The following PHC3 variants were observed in gnomAD, a reference collection of about 807,000 sequenced individuals.
The protein encoded by PHC3 is polyhomeotic-like protein 3.
In PHC3, 13 loss-of-function variants were observed where a neutral mutation model predicts 107.4. The observed-to-expected ratio is 0.12, with a 90% CI of 0.08 to 0.19. The LOEUF is 0.19. Among genes scored for constraint, PHC3 ranks in the 10% least tolerant of loss-of-function variants. The pLI is 1.00. For synonymous variants in PHC3, 456 were observed against 427.4 expected (o/e 1.07, Z -0.83); for missense variants, 992 against 1,210.9 (o/e 0.82, Z 2.68).
chr3:170,150,768 T>C, intron 4 of PHC3: 1 of 391,600 alleles, frequency 2.6e-6, no homozygotes, highest in South Asian at 1.8e-5. Context: ...TGTTAACCTC[T>C]AGAAGGATGC....
Position 170,172,722 on chromosome 3 carries a change from G to A in PHC3, c.181-10C>T. On this transcript the variant is annotated splice_polypyrimidine_tract_variant and intron_variant, in intron 2 of 14. Transcript: ENST00000495893. ...ATGCCTGTTGAATTACCTGTGATAA[G>A]TCAATTGAACCAATGTCAAACCATA... The A allele has an allele frequency of 6.3e-7, 1 of 1,586,570 alleles. No individual in the cohort carries two copies.
In PHC3 at chr3:170,089,498, A is replaced by G. The variant is rs1713850457; in HGVS notation, c.*7732T>C. The G allele has an allele frequency of 6.6e-6, 1 of 152,244 alleles. No homozygotes were observed. The highest frequency in any genetic ancestry group is 2.1e-4 in the South Asian group (1 of 4,834). The allele number at this position is 152,244 out of a possible 1,614,324, so 9.4% of individuals were successfully genotyped here. A position where few individuals can be genotyped will look rare whatever the true frequency, so the allele number is the denominator to read the frequency against. On this transcript the variant is annotated 3_prime_UTR_variant, in exon 15 of 15. Coordinates refer to ENST00000495893, the MANE Select transcript of PHC3 (RefSeq NM_024947.4). Reference sequence around the variant, plus strand: ...ATTCTTACATATCTTTAAAAGTTGGATATTTGTAATAGCTTAAAGTACAGT... The same window carrying G: ...ATTCTTACATATCTTTAAAAGTTGGGTATTTGTAATAGCTTAAAGTACAGT...
chr3:170,166,189 C>A (rs1039889763), intron 4 of PHC3, among the ~76,000 whole-genome samples: 1 of 151,826 alleles, frequency 6.6e-6, no homozygotes, highest in Non-Finnish European at 1.5e-5. Flanking sequence ...GAATTATAGG[C>A]ACGTACCACC....
chr3:170,117,924 A>T (rs1357741711), intron 9 of PHC3, among the ~76,000 whole-genome samples: 1 of 151,710 alleles, frequency 6.6e-6, no homozygotes, highest in Admixed American at 6.6e-5. Flanking sequence ...GAGACAGGAG[A>T]ATCACTTGAG....
At chr3:170,157,180 T>A (rs73879180) in intron 4 of PHC3, among the ~76,000 whole-genome samples, 2 of 152,166 alleles carry the variant, frequency 1.3e-5, no homozygotes, top group Non-Finnish European at 2.9e-5. Context: ...TTAAGTGAGA[T>A]TGATCTCTGT....
chr3:170,128,268 G>A, intron 8 of PHC3: 3 of 920,072 alleles, frequency 3.3e-6, no homozygotes, highest in Non-Finnish European at 4.2e-6. Flanking sequence ...AAAACTAAAA[G>A]GGTTAGGCTA....
intron 6 of PHC3, among the ~76,000 whole-genome samples, chr3:170,138,605 G>A (rs1413078891): frequency 6.8e-6 from 1 of 147,804 alleles, no homozygotes; most frequent in Non-Finnish European, 1.5e-5. Context: ...CAGGAGAATT[G>A]CTTGAAACCC....
chr3:170,112,395 A>ATT (rs200172583), intron 11 of PHC3, among the ~76,000 whole-genome samples: 2 of 52,234 alleles, frequency 3.8e-5, no homozygotes, highest in African/African-American at 7.3e-5. Context: ...ATATATATAT[A>ATT]TTTTTTTTTA....
intron 7 of PHC3, among the ~76,000 whole-genome samples, chr3:170,135,287 A>C (rs1424076711): frequency 6.6e-6 from 1 of 152,078 alleles, no homozygotes; most frequent in Non-Finnish European, 1.5e-5. Flanking sequence ...AGTAGCTGGG[A>C]CTACAGGTGT....
rs565644522 is a variant in PHC3, at chr3:170,090,875, T to A, written c.*6355A>T. Reference sequence around the variant, plus strand: ...CATTCATCATCATCTTAATTCATTATTTACTACTGAAATAGATTATTTACT... The same window carrying A: ...CATTCATCATCATCTTAATTCATTAATTACTACTGAAATAGATTATTTACT... On this transcript the variant is annotated 3_prime_UTR_variant, in exon 15 of 15. Transcript: ENST00000495893. 1 of 152,298 alleles carries A rather than the reference T, an allele frequency of 6.6e-6. No homozygotes were observed. Among genetic ancestry groups the A allele is most frequent in the Admixed American group, 6.5e-5 (1 of 15,288 alleles). The allele number at this position is 152,298 out of a possible 1,614,324, so 9.4% of individuals were successfully genotyped here. A position where few individuals can be genotyped will look rare whatever the true frequency, so the allele number is the denominator to read the frequency against.
chr3:170,157,788 GT>G (rs1461276703), intron 4 of PHC3, among the ~76,000 whole-genome samples: 1 of 151,912 alleles, frequency 6.6e-6, no homozygotes, highest in Non-Finnish European at 1.5e-5. Context: ...CAGTTTTAAG[GT>G]TCTTGATCTA....
chr3:170,115,875 T>TCACACA (rs1238887514), intron 10 of PHC3, among the ~76,000 whole-genome samples: 10 of 88,556 alleles, frequency 1.1e-4, no homozygotes, highest in African/African-American at 3.3e-4. Context: ...AATCCAAGTT[T>TCACACA]CTCACACACA....
At chr3:170,160,191 A>G (rs1361046702) in intron 4 of PHC3, among the ~76,000 whole-genome samples, 1 of 152,210 alleles carries the variant, frequency 6.6e-6, no homozygotes, top group Non-Finnish European at 1.5e-5. Context: ...CCACATAGTA[A>G]TGAATCCCTA....
At chr3:170,106,786 A>G (rs746190442) in intron 12 of PHC3, 46 bp downstream of exon 12, 1 of 1,404,188 alleles carries the variant, frequency 7.1e-7, no homozygotes, top group South Asian at 1.3e-5. Flanking sequence ...TTTAGTTGCA[A>G]TGGCTATTTA....
At chr3:170,134,079 C>T (rs140441003) in intron 7 of PHC3, among the ~76,000 whole-genome samples, 1 of 152,048 alleles carries the variant, frequency 6.6e-6, no homozygotes, top group East Asian at 1.9e-4. Flanking sequence ...GCTGAGAATA[C>T]TCTGTACAGT....
rs1431649395 is a variant in PHC3 at position 170,087,661 on chromosome 3, A to G, written c.*9569T>C. On this transcript the variant is annotated 3_prime_UTR_variant, in exon 15 of 15. Coordinates refer to ENST00000495893, the MANE Select transcript of PHC3 (RefSeq NM_024947.4). ...AATATATTATTGTAATATAAACAAT[A>G]TAAATAAATGATCCTGTAGGCCCAC... The G allele has an allele frequency of 1.3e-5, 2 of 152,216 alleles. No individual in the cohort carries two copies. Among genetic ancestry groups the G allele is most frequent in the Admixed American group, 1.3e-4 (2 of 15,286 alleles). The allele number at this position is 152,216 out of a possible 1,614,324, so 9.4% of individuals were successfully genotyped here.
intron 11 of PHC3, among the ~76,000 whole-genome samples, chr3:170,108,446 C>A (rs1277736580): frequency 6.6e-6 from 1 of 152,162 alleles, no homozygotes; most frequent in Non-Finnish European, 1.5e-5. Flanking sequence ...CATCCAAATA[C>A]ATTATCCTGA....
intron 14 of PHC3, chr3:170,102,136 G>C (rs1047809741): frequency 2.0e-6 from 2 of 983,550 alleles, no homozygotes; most frequent in Non-Finnish European, 2.4e-6. Flanking sequence ...AAAAATAGAA[G>C]AGCAGAAAGG....
intron 9 of PHC3, among the ~76,000 whole-genome samples, chr3:170,118,175 G>A (rs1365619330): frequency 6.6e-6 from 1 of 152,208 alleles, no homozygotes. Flanking sequence ...AATGGTATAG[G>A]TGGGGCAGTG....
Sources: gnomAD v4.1 joint callset for allele counts (sites outside exome capture counted in the v4.1 genomes callset) on GRCh38, gnomAD v4.1.1 for gene constraint, MANE v1.5 for transcripts, NCBI Gene and HGNC (gene_info 2026-07-23, HGNC 2026-07-21) for gene names.